The following FAM227B variants were observed in gnomAD, a reference collection of about 807,000 sequenced individuals.
FAM227B encodes family with sequence similarity 227 member B.
FAM227B carries 88 observed loss-of-function variants against 73.8 expected under a neutral mutation model. That is an observed-to-expected ratio of 1.19 (90% CI 1.00 to 1.42). The LOEUF is 1.42. Ranked by LOEUF, FAM227B falls within the 40% of genes most tolerant of loss-of-function variation. The pLI is 0.00. For synonymous variants in FAM227B, 210 were observed against 190.5 expected, an observed-to-expected ratio of 1.10 and a Z score of -0.84; for missense variants, 632 against 590.9, an observed-to-expected ratio of 1.07 and a Z score of -0.72.
chr15:49,609,770 G>A (rs2077764746), intron 3 of FAM227B, among the ~76,000 whole-genome samples: 1 of 151,934 alleles, frequency 6.6e-6, no homozygotes, highest in African/African-American at 2.4e-5. Flanking sequence ...GTTTGGCAAT[G>A]TATAAACATA....
intron 12 of FAM227B, 70 bp downstream of exon 12, chr15:49,371,232 C>T: frequency 1.1e-6 from 1 of 889,070 alleles, no homozygotes. Context: ...CTATGTACAG[C>T]ACAGTCAATT....
intron 11 of FAM227B, among the ~76,000 whole-genome samples, chr15:49,401,390 T>C (rs1163655428): frequency 1.3e-5 from 2 of 151,900 alleles, no homozygotes; most frequent in Non-Finnish European, 2.9e-5. Context: ...GGAACACTTT[T>C]ACACTGTTGG....
Position 49,328,576 on chromosome 15 carries a change from C to G in FAM227B, c.1519G>C (p.Glu507Gln). Reference sequence around the variant, plus strand: ...TTCATTTCTGGTTTCTCTTAGTATTCTTCTTCCTCAAAGTTGTAGTTGTCT... The same window carrying G: ...TTCATTTCTGGTTTCTCTTAGTATTGTTCTTCCTCAAAGTTGTAGTTGTCT... ...STDNYNFEEE[E>Q]Y Residue 507 changes from glutamate to glutamine, a missense_variant, in exon 16 of 16, where the codon GAA (glutamate) becomes CAA (glutamine). Glu to Gln is a conservative substitution (Grantham distance 29, BLOSUM62 2). Coordinates refer to ENST00000299338, the MANE Select transcript of FAM227B (RefSeq NM_152647.3). The G allele has an allele frequency of 1.2e-6, 2 of 1,602,580 alleles. No homozygotes were observed. The highest frequency in any genetic ancestry group is 1.1e-5 in the South Asian group (1 of 89,666).
intron 10 of FAM227B, among the ~76,000 whole-genome samples, chr15:49,511,673 C>A (rs1452656450): frequency 6.6e-6 from 1 of 152,034 alleles, no homozygotes; most frequent in Non-Finnish European, 1.5e-5. Context: ...GTGTTCTTAT[C>A]GTTCAGCTCC....
chr15:49,553,518 C>A (rs952220360), intron 9 of FAM227B, among the ~76,000 whole-genome samples: 1 of 152,164 alleles, frequency 6.6e-6, no homozygotes, highest in South Asian at 2.1e-4. Context: ...TTCAGGGTGG[C>A]GAGGTTCCCC....
intron 11 of FAM227B, among the ~76,000 whole-genome samples, chr15:49,404,342 TTA>T (rs1300583480): frequency 6.6e-6 from 1 of 152,142 alleles, no homozygotes; most frequent in Non-Finnish European, 1.5e-5. Context: ...ATGATCTGTA[TTA>T]ATACTGTCAG....
At position 49,579,512 on chromosome 15, in the gene FAM227B, G is replaced by T. The variant is rs77208859; in HGVS notation, c.406-1848C>A. Among the ~76,000 whole-genome samples the T allele has an allele frequency of 3.5e-3, 527 of 152,286 alleles. 3 individuals carry two copies. Among genetic ancestry groups the T allele is most frequent in the African/African-American group, 0.012 (504 of 41,568 alleles). ...TGCAGCAATATGGATAAAACTGGAG[G>T]TTGTCTGTTAAGTGAAATAAGGCAC... is the stretch of plus-strand genomic sequence containing the variant. On this transcript the variant is annotated intron_variant, in intron 5 of 15. Coordinates refer to ENST00000299338, the MANE Select transcript of FAM227B (RefSeq NM_152647.3).
At chr15:49,559,689 C>G (rs1254190549) in intron 9 of FAM227B, among the ~76,000 whole-genome samples, 2 of 152,020 alleles carry the variant, frequency 1.3e-5, no homozygotes, top group Non-Finnish European at 2.9e-5. Context: ...GTAATCCCAG[C>G]ACTTTGGGAG....
intron 13 of FAM227B, 79 bp from the exon 14 acceptor site, chr15:49,335,575 A>T: frequency 1.0e-6 from 1 of 1,004,096 alleles, no homozygotes; most frequent in Non-Finnish European, 1.6e-6. Context: ...AGAGGAACCA[A>T]GGGGACCGTG....
intron 11 of FAM227B, among the ~76,000 whole-genome samples, chr15:49,447,905 A>G (rs2052374859): frequency 6.6e-6 from 1 of 151,764 alleles, no homozygotes; most frequent in Non-Finnish European, 1.5e-5. Flanking sequence ...AATATAAGGT[A>G]GAGGTAGAAT....
In FAM227B at chr15:49,444,874, C is replaced by A. The variant is rs891049519; in HGVS notation, c.1012+63337G>T. On this transcript the variant is annotated intron_variant, in intron 11 of 15. Coordinates refer to ENST00000299338, the MANE Select transcript of FAM227B (RefSeq NM_152647.3). Reference sequence around the variant, plus strand: ...TTACAACCTAATGCATAAAGTTTAGCCTCTCTTTTTTTGTTTTTATCACAT... The same window carrying A: ...TTACAACCTAATGCATAAAGTTTAGACTCTCTTTTTTTGTTTTTATCACAT... Among the ~76,000 whole-genome samples, 3 of 151,646 alleles carry A rather than the reference C, an allele frequency of 2.0e-5. No homozygotes were observed. The East Asian group carries it at 5.8e-4, about 29-fold the overall frequency.
At chr15:49,536,096 A>T (rs1344645345) in intron 10 of FAM227B, among the ~76,000 whole-genome samples, 1 of 151,034 alleles carries the variant, frequency 6.6e-6, no homozygotes, top group Non-Finnish European at 1.5e-5. Context: ...AAAAAGAAAA[A>T]AGAAAGAAAA....
Position 49,508,282 on chromosome 15 carries a change from T to A in FAM227B, c.941A>T (p.His314Leu). Residue 314 changes from histidine to leucine, a missense_variant, in exon 11 of 16, where the codon CAT becomes CTT. His to Leu is a moderately conservative substitution (Grantham distance 99, BLOSUM62 -3). Transcript: ENST00000299338. ...TTTTGCAGGTGCTTTTTTGCTACCA[T>A]GAATGGTGGTTGTGGAGAGTTCTTT... ...KLKELSTTTIHGSKKAPAKSV... is the reference protein window; with the variant it reads ...KLKELSTTTILGSKKAPAKSV... 1 of 1,611,486 alleles carries A rather than the reference T, an allele frequency of 6.2e-7. No individual in the cohort carries two copies. The highest frequency in any genetic ancestry group is 8.5e-7 in the Non-Finnish European group (1 of 1,178,812).
At chr15:49,403,701 A>C (rs531573123) in intron 11 of FAM227B, among the ~76,000 whole-genome samples, 16 of 149,534 alleles carry the variant, frequency 1.1e-4, no homozygotes, top group African/African-American at 3.9e-4. Context: ...AATTTTTTTC[A>C]AAAAAAAACT....
At chr15:49,590,257 T>C (rs1400064591) in intron 3 of FAM227B, among the ~76,000 whole-genome samples, 1 of 152,214 alleles carries the variant, frequency 6.6e-6, no homozygotes, top group African/African-American at 2.4e-5. Flanking sequence ...TCAATGTATA[T>C]TTCCAAAAAC....
intron 11 of FAM227B, among the ~76,000 whole-genome samples, chr15:49,431,635 A>G (rs998710797): frequency 6.6e-6 from 1 of 151,778 alleles, no homozygotes; most frequent in Non-Finnish European, 1.5e-5. Context: ...AGTGGTCATG[A>G]GTACTTGATA....
At chr15:49,498,904 C>T (rs1376982218) in intron 11 of FAM227B, among the ~76,000 whole-genome samples, 4 of 151,892 alleles carry the variant, frequency 2.6e-5, no homozygotes, top group African/African-American at 4.8e-5. Context: ...CGGTGGCTCA[C>T]GCCTGTAATC....
chr15:49,504,942 A>G (rs1045471796), intron 11 of FAM227B, among the ~76,000 whole-genome samples: 7 of 152,220 alleles, frequency 4.6e-5, no homozygotes, highest in Non-Finnish European at 1.0e-4. Flanking sequence ...AAATACTTGT[A>G]TATAAATGTT....
chr15:49,438,686 T>TA (rs1326440302), intron 11 of FAM227B, among the ~76,000 whole-genome samples: 1 of 151,750 alleles, frequency 6.6e-6, no homozygotes, highest in East Asian at 1.9e-4. Flanking sequence ...TTCCAATAAT[T>TA]AACTGAATGA....
Sources: allele counts gnomAD v4.1 joint callset (sites outside exome capture counted in the v4.1 genomes callset), GRCh38; gene constraint gnomAD v4.1.1; transcripts MANE v1.5; gene names NCBI Gene and HGNC (gene_info 2026-07-23, HGNC 2026-07-21).